The following MACF1 variants were observed in gnomAD, a reference collection of about 807,000 sequenced individuals.
MACF1 encodes the protein microtubule-actin cross-linking factor 1.
A neutral mutation model predicts 854.8 loss-of-function variants in MACF1; 193 were observed. That is an observed-to-expected ratio of 0.23 (90% CI 0.20 to 0.25). MACF1 has a LOEUF of 0.25. MACF1 is among the 10% of genes least tolerant of loss of function. The pLI, the probability that MACF1 is intolerant of heterozygous loss-of-function variation, is 1.00. For missense variants in MACF1, 7,722 were observed against 8,929.1 expected, an observed-to-expected ratio of 0.86 and a Z score of 5.45; for synonymous variants, 3,185 against 3,226.7, an observed-to-expected ratio of 0.99 and a Z score of 0.44.
At chr1:39,205,254 T>C (rs1053695910) in intron 1 of MACF1, 123 bp downstream of exon 1, 4 of 654,112 alleles carry the variant, frequency 6.1e-6, no homozygotes, top group Non-Finnish European at 1.1e-5. Flanking sequence ...GCTGGGGTGC[T>C]GTCAGACTTA....
At position 39,438,116 on chromosome 1, in the gene MACF1, T is replaced by C. The variant is rs1029714767; in HGVS notation, c.18220+108T>C. The C allele has an allele frequency of 2.1e-5, 20 of 969,600 alleles. 1 individual carries two copies. Among genetic ancestry groups the C allele is most frequent in the African/African-American group, 9.8e-5 (6 of 61,078 alleles). The allele number at this position is 969,600 out of a possible 1,614,324, so 60.1% of individuals were successfully genotyped here. A position where few individuals can be genotyped will look rare whatever the true frequency, so the allele number is the denominator to read the frequency against. Reference sequence around the variant, plus strand: ...TTTATTTCTTTGAATGTAAAGGCAGTCCCCAGTAATGAGTATTCCAGAAAG... The same window carrying C: ...TTTATTTCTTTGAATGTAAAGGCAGCCCCCAGTAATGAGTATTCCAGAAAG... On this transcript the variant is annotated intron_variant, in intron 71 of 100. Transcript: ENST00000564288.
At chr1:39,249,037 G>A (rs1323997118) in intron 2 of MACF1, among the ~76,000 whole-genome samples, 1 of 152,136 alleles carries the variant, frequency 6.6e-6, no homozygotes, top group Non-Finnish European at 1.5e-5. Flanking sequence ...AGAAGCCACT[G>A]CACCTGGCAA....
intron 2 of MACF1, among the ~76,000 whole-genome samples, chr1:39,244,874 G>A (rs1644965221): frequency 6.6e-6 from 1 of 152,004 alleles, no homozygotes; most frequent in Non-Finnish European, 1.5e-5. Context: ...CCACCACCCT[G>A]GCCAATTTTT....
intron 2 of MACF1, among the ~76,000 whole-genome samples, chr1:39,131,694 T>C (rs1314301643): frequency 6.6e-6 from 1 of 152,208 alleles, no homozygotes; most frequent in African/African-American, 2.4e-5. Flanking sequence ...AGATGTATGC[T>C]TAGCATATTT....
intron 40 of MACF1, among the ~76,000 whole-genome samples, chr1:39,345,543 C>T (rs932437376): frequency 6.6e-6 from 1 of 152,034 alleles, no homozygotes; most frequent in Non-Finnish European, 1.5e-5. Context: ...CCCAGGAGGT[C>T]CAGGCTGCAT....
chr1:39,124,742 A>G lies in MACF1; in HGVS notation c.220+40304A>G, dbSNP rs534802018. Reference sequence around the variant, plus strand: ...TGTACTTATTAATGTGCCAGGCATAATTTTTATGTACTTTATGCATATATT... The same window carrying G: ...TGTACTTATTAATGTGCCAGGCATAGTTTTTATGTACTTTATGCATATATT... On this transcript the variant is annotated intron_variant, in intron 2 of 93. Coordinates refer to the MACF1 transcript ENST00000361689. Among the ~76,000 whole-genome samples the G allele has an allele frequency of 3.9e-5, 6 of 152,344 alleles. No individual in the cohort carries two copies. The South Asian group carries it at 1.2e-3, about 32-fold the overall frequency.
At position 39,353,008 on chromosome 1, in the gene MACF1, G is replaced by A. The variant is rs574306876; in HGVS notation, c.11201G>A (p.Ser3734Asn). The A allele has an allele frequency of 3.7e-4, 597 of 1,611,298 alleles. 5 individuals are homozygous for A. The South Asian group carries it at 6.1e-3, about 16-fold the overall frequency. The change falls in exon 44 of 101, where the codon AGT becomes AAT. Residue 3734 changes from serine (S) to asparagine (N), a missense_variant and splice_region_variant. Physicochemically the swap from Ser to Asn is conservative, Grantham distance 46. Around this residue, in one of 15 missense-constraint regions of MACF1, gnomAD observed 2,807 missense variants for 3,235.8 expected, o/e 0.87. Coordinates refer to ENST00000564288, the MANE Select transcript of MACF1 (RefSeq NM_001394062.1). Reference protein sequence around the residue: ...TSALQQETEKSKAAKELAENK... With the variant: ...TSALQQETEKNKAAKELAENK... ...CTAGACTACCTCGGTGGCTTTCAGA[G>A]TAAAGCAGCAAAGGAACTGGCAGAG... is the stretch of plus-strand genomic sequence containing the variant.
At chr1:39,440,452 A>G (rs1393887284) in intron 72 of MACF1, among the ~76,000 whole-genome samples, 1 of 151,972 alleles carries the variant, frequency 6.6e-6, no homozygotes, top group East Asian at 1.9e-4. Context: ...CATATTGTCC[A>G]TTTAGCATAA....
At position 39,458,510 on chromosome 1, in the gene MACF1, T is replaced by C; in HGVS notation, c.21196+20T>C. On this transcript the variant is annotated intron_variant, in intron 90 of 100. Transcript: ENST00000564288. ...GAGGCAGTATGTTTCCAGCCCCCTG[T>C]GTTAGGATGCTTCATTCCTGCTAAT... The C allele has an allele frequency of 6.2e-7, 1 of 1,600,364 alleles. No homozygotes were observed. Among genetic ancestry groups the C allele is most frequent in the Non-Finnish European group, 8.5e-7 (1 of 1,173,550 alleles).
At chr1:39,101,449 G>C (rs1394900639) in intron 2 of MACF1, among the ~76,000 whole-genome samples, 1 of 151,250 alleles carries the variant, frequency 6.6e-6, no homozygotes, top group Non-Finnish European at 1.5e-5. Context: ...GGCTGGTCGT[G>C]AACTCCTGGG....
Position 39,464,886 on chromosome 1 carries a change from CCTGGGCAA to C in MACF1, c.21754-207_21754-200del. 3 of 517,254 alleles carry C rather than the reference CCTGGGCAA, an allele frequency of 5.8e-6. No homozygotes were observed. In the East Asian group the frequency reaches 1.1e-4, roughly 18 times the overall value. 32.0% of individuals were successfully genotyped at this position (517,254 alleles called of 1,614,324 possible). A position where few individuals can be genotyped will look rare whatever the true frequency, so the allele number is the denominator to read the frequency against. On this transcript the variant is annotated intron_variant, in intron 94 of 100. Transcript: ENST00000564288. ...CCATGATCGCGCCACTGCACTCCAG[CCTGGGCAA>C]CAGAGCGAGACTCTCAAAAAAAAAA... is the stretch of plus-strand genomic sequence containing the variant.
At chr1:39,242,397 G>C (rs573180250) in intron 2 of MACF1, among the ~76,000 whole-genome samples, 1 of 150,124 alleles carries the variant, frequency 6.7e-6, no homozygotes, top group South Asian at 2.1e-4. Flanking sequence ...ACTTATTAAT[G>C]CTTGGGCACT....
intron 81 of MACF1, 41 bp from the exon 82 acceptor site, chr1:39,447,651 A>T: frequency 1.9e-6 from 3 of 1,613,674 alleles, no homozygotes; most frequent in Non-Finnish European, 2.5e-6. Context: ...ATGCCCCTTT[A>T]TCTTATCTTA....
intron 2 of MACF1, among the ~76,000 whole-genome samples, chr1:39,239,279 TCAAAAAAA>T (rs906289110): frequency 1.6e-5 from 2 of 122,684 alleles, no homozygotes; most frequent in African/African-American, 5.4e-5. Context: ...AGACTCTGTC[TCAAAAAAA>T]CAAACAAACA....
chr1:39,137,188 G>T (rs969805255), intron 2 of MACF1, among the ~76,000 whole-genome samples: 3 of 152,166 alleles, frequency 2.0e-5, no homozygotes, highest in Non-Finnish European at 4.4e-5. Context: ...TCATGCCTCA[G>T]CCTCCTGAGT....
At chr1:39,389,146 G>A (rs1360878610) in intron 58 of MACF1, among the ~76,000 whole-genome samples, 1 of 151,324 alleles carries the variant, frequency 6.6e-6, no homozygotes, top group Non-Finnish European at 1.5e-5. Context: ...AAAGTGTTGG[G>A]ATTACAGGCA....
chr1:39,388,058 T>C lies in MACF1; in HGVS notation c.15216T>C (p.Phe5072=). 3.1e-6 allele frequency: 5 copies of C among 1,614,134 alleles called. No homozygotes were observed. The highest frequency in any genetic ancestry group is 3.4e-6 in the Non-Finnish European group (4 of 1,180,022). ...CTCAGGTAGACTATCTGAGGAACTTTACTCAGGGTCTGGTAGAAGATGCCC... is the reference window on the plus strand; with the variant it reads ...CTCAGGTAGACTATCTGAGGAACTTCACTCAGGGTCTGGTAGAAGATGCCC... ...LEPQVDYLRN[F]TQGLVEDAPD... is the part of the protein sequence containing the mutation. The change falls in exon 58 of 101, where the codon TTT becomes TTC. Residue 5072 remains phenylalanine (F), a synonymous_variant. Transcript: ENST00000564288.
intron 97 of MACF1, among the ~76,000 whole-genome samples, chr1:39,477,075 A>ATATACACTTAG (rs1557675014): frequency 3.9e-5 from 2 of 51,308 alleles, no homozygotes; most frequent in African/African-American, 1.1e-4. Context: ...ATATATATAT[A>ATATACACTTAG]TATATATATA....
At chr1:39,432,053 G>A (rs963224075) in intron 66 of MACF1, among the ~76,000 whole-genome samples, 2 of 152,160 alleles carry the variant, frequency 1.3e-5, no homozygotes, top group Non-Finnish European at 2.9e-5. Flanking sequence ...CTTGGTTTTC[G>A]TTATTACATA....
Sources: allele counts gnomAD v4.1 joint callset (sites outside exome capture counted in the v4.1 genomes callset), GRCh38; gene constraint gnomAD v4.1.1; regional missense constraint gnomAD v4.1.1; transcripts MANE v1.5; gene names NCBI Gene and HGNC (gene_info 2026-07-23, HGNC 2026-07-21).